NRG1: variants seen among roughly 807,000 people sequenced by gnomAD.
NRG1 encodes the protein neuregulin 1.
NRG1 carries 18 observed loss-of-function variants against 63.8 expected under a neutral mutation model. The observed-to-expected ratio is 0.28, with a 90% CI of 0.19 to 0.42. The LOEUF (loss-of-function observed/expected upper bound fraction) is 0.42. Ranked by LOEUF, NRG1 falls within the 10% of genes least tolerant of loss-of-function variation. NRG1 has a pLI of 1.00. For synonymous variants in NRG1, 302 were observed against 301.3 expected, an observed-to-expected ratio of 1.00 and a Z score of -0.02; for missense variants, 762 against 814.7, an observed-to-expected ratio of 0.94 and a Z score of 0.79.
intron 1 of NRG1, among the ~76,000 whole-genome samples, chr8:32,522,995 T>C (rs1330502181): frequency 3.4e-4 from 51 of 151,926 alleles, no homozygotes; most frequent in Non-Finnish European, 4.4e-5. Flanking sequence ...AGATATGGAG[T>C]TTCAATATGT....
At chr8:32,266,958 A>G (rs1851018929) in intron 1 of NRG1, among the ~76,000 whole-genome samples, 1 of 151,888 alleles carries the variant, frequency 6.6e-6, no homozygotes, top group African/African-American at 2.4e-5. Flanking sequence ...CTGAGGCAGG[A>G]GAATCACTTG....
intron 5 of NRG1, among the ~76,000 whole-genome samples, chr8:32,653,153 GT>G (rs1855520417): frequency 6.8e-6 from 1 of 147,834 alleles, no homozygotes; most frequent in Admixed American, 6.8e-5. Flanking sequence ...TTGTTTGTTT[GT>G]TTTTCATTCA....
intron 1 of NRG1, among the ~76,000 whole-genome samples, chr8:32,526,340 T>C (rs1370060289): frequency 5.3e-5 from 8 of 152,228 alleles, no homozygotes. Context: ...GCTCTCTCTC[T>C]ATAGCAGTTT....
intron 1 of NRG1, among the ~76,000 whole-genome samples, chr8:32,227,159 G>GT (rs1252661572): frequency 6.6e-6 from 1 of 152,140 alleles, no homozygotes; most frequent in African/African-American, 2.4e-5. Flanking sequence ...CTGTGGGAGT[G>GT]TTTCACTCAC....
At chr8:31,799,053 T>A (rs978905855) in intron 1 of NRG1, among the ~76,000 whole-genome samples, 3 of 152,134 alleles carry the variant, frequency 2.0e-5, no homozygotes, top group African/African-American at 7.2e-5. Flanking sequence ...TCTCTTGAAA[T>A]ATATTTGGAT....
chr8:31,767,867 C>A (rs1439731079), intron 1 of NRG1, among the ~76,000 whole-genome samples: 4 of 136,176 alleles, frequency 2.9e-5, no homozygotes, highest in Admixed American at 7.3e-5. Context: ...AAAAAAAAAA[C>A]TTAAGTAATC....
intron 1 of NRG1, among the ~76,000 whole-genome samples, chr8:31,817,185 G>A (rs1253885570): frequency 6.6e-6 from 1 of 152,220 alleles, no homozygotes; most frequent in African/African-American, 2.4e-5. Flanking sequence ...ATGAAACTGT[G>A]TAGGAGGATT....
chr8:32,129,603 G>T lies in NRG1; in HGVS notation c.38-466225G>T, dbSNP rs2131617668. On this transcript the variant is annotated intron_variant, in intron 1 of 10. Transcript: ENST00000519301. Reference sequence around the variant, plus strand: ...AACGCTACATTCACAGATACTGGAGGTTAGGACTTTAACATATCTTTTGGA... The same window carrying T: ...AACGCTACATTCACAGATACTGGAGTTTAGGACTTTAACATATCTTTTGGA... Among the ~76,000 whole-genome samples the T allele has an allele frequency of 1.3e-5, 2 of 151,998 alleles. 1 individual carries two copies. The highest frequency in any genetic ancestry group is 4.1e-4 in the South Asian group (2 of 4,824).
chr8:32,612,833 T>C (rs1846606215), intron 3 of NRG1, among the ~76,000 whole-genome samples: 2 of 152,076 alleles, frequency 1.3e-5, no homozygotes, highest in African/African-American at 4.8e-5. Context: ...ATGTCATTGA[T>C]GAATCCTGAA....
At chr8:32,697,897 A>G (rs1186831813) in intron 5 of NRG1, among the ~76,000 whole-genome samples, 1 of 152,158 alleles carries the variant, frequency 6.6e-6, no homozygotes, top group Admixed American at 6.5e-5. Context: ...ATATGGGACA[A>G]GCTGTTAGAC....
intron 1 of NRG1, among the ~76,000 whole-genome samples, chr8:32,550,543 G>C (rs972750146): frequency 2.0e-5 from 3 of 152,136 alleles, no homozygotes; most frequent in Admixed American, 1.3e-4. Context: ...AGGGGCCAGC[G>C]GTCTGAAGTA....
chr8:32,641,922 G>T (rs189891806), intron 5 of NRG1, among the ~76,000 whole-genome samples: 1 of 152,130 alleles, frequency 6.6e-6, no homozygotes, highest in Non-Finnish European at 1.5e-5. Flanking sequence ...ACATGGATTT[G>T]GTTTGCTCTC....
At chr8:32,743,181 T>G in intron 7 of NRG1, 3 of 986,846 alleles carry the variant, frequency 3.0e-6, no homozygotes, top group Non-Finnish European at 3.6e-6. Context: ...AAGTTAATTT[T>G]GATTCAGAAT....
chr8:31,818,057 CA>C (rs1823625394), intron 1 of NRG1, among the ~76,000 whole-genome samples: 2 of 151,842 alleles, frequency 1.3e-5, no homozygotes, highest in Non-Finnish European at 2.9e-5. Flanking sequence ...TTTGTGCCAG[CA>C]AATACGTAAT....
chr8:31,868,130 C>T, intron 1 of NRG1, among the ~76,000 whole-genome samples: 1 of 145,348 alleles, frequency 6.9e-6, no homozygotes, highest in South Asian at 2.2e-4. Context: ...CAAACACACA[C>T]ACACACACAT....
chr8:31,837,623 T>C (rs1825799680), intron 1 of NRG1, among the ~76,000 whole-genome samples: 1 of 152,000 alleles, frequency 6.6e-6, no homozygotes, highest in East Asian at 1.9e-4. Flanking sequence ...ACCAACCTCT[T>C]CCCATCTCCC....
At chr8:31,775,878 G>A (rs113513326) in intron 1 of NRG1, among the ~76,000 whole-genome samples, 418 of 68,708 alleles carry the variant, frequency 6.1e-3, no homozygotes, top group African/African-American at 0.023. Context: ...GCAAGACTCC[G>A]TCTCAAAAAA....
At chr8:32,695,522 C>T (rs557826773) in intron 5 of NRG1, among the ~76,000 whole-genome samples, 76 of 152,286 alleles carry the variant, frequency 5.0e-4, no homozygotes, top group African/African-American at 1.8e-3. Context: ...ATGGCATTTT[C>T]TGTACTGAGA....
chr8:32,111,621 A>G (rs1464484148), intron 1 of NRG1, among the ~76,000 whole-genome samples: 3 of 152,198 alleles, frequency 2.0e-5, no homozygotes, highest in East Asian at 1.9e-4. Flanking sequence ...TAATTGTCCA[A>G]TATTTCTCAA....
Sources: allele counts gnomAD v4.1 joint callset (sites outside exome capture counted in the v4.1 genomes callset), GRCh38; gene constraint gnomAD v4.1.1; transcripts MANE v1.5; gene names NCBI Gene and HGNC (gene_info 2026-07-23, HGNC 2026-07-21).